The following FLII variants were observed in gnomAD, a reference collection of about 807,000 sequenced individuals.
The protein encoded by FLII is FLII actin remodeling protein, also known as protein flightless-1 homolog.
FLII carries 101 observed loss-of-function variants against 156.2 expected under a neutral mutation model. The observed-to-expected ratio is 0.65, with a 90% CI of 0.55 to 0.76. The LOEUF (loss-of-function observed/expected upper bound fraction) is 0.76, where lower values mean the gene tolerates loss of function less well. Among genes scored for constraint, FLII ranks in the 30% least tolerant of loss-of-function variants. The probability of loss-of-function intolerance (pLI) is 0.00; values close to 1 mark genes in which losing one functional copy is unlikely to be tolerated. For synonymous variants in FLII, 767 were observed against 685.8 expected, an observed-to-expected ratio of 1.12 and a Z score of -1.85; for missense variants, 1,675 against 1,682.8, an observed-to-expected ratio of 1.00 and a Z score of 0.08.
intron 11 of FLII, 58 bp from the exon 12 acceptor site, chr17:18,251,874 C>T (rs367620477): frequency 9.9e-6 from 16 of 1,609,108 alleles, no homozygotes; most frequent in African/African-American, 2.7e-5. Context: ...CTTGGGCATG[C>T]GACCAACCAG....
Position 18,258,370 on chromosome 17 carries a change from G to A in FLII, c.63+258C>T, listed in dbSNP as rs985310107. 2.1e-6 allele frequency: 2 copies of A among 958,236 alleles called. No individual in the cohort carries two copies. The highest frequency in any genetic ancestry group is 2.7e-5 in the Admixed American group (1 of 37,446). 59.4% of individuals were successfully genotyped at this position (958,236 alleles called of 1,614,324 possible). A position where few individuals can be genotyped will look rare whatever the true frequency, so the allele number is the denominator to read the frequency against. On this transcript the variant is annotated intron_variant, in intron 1 of 29. Transcript: ENST00000327031. The surrounding 1 kb of genome is among the most constrained non-coding windows in gnomAD (Gnocchi z 4.2). ...CCGAGAACACGGACGCGGGGTGGGGGCTCCCGGCCGGGCCCCCGGCGGGAC... is the reference window on the plus strand; with the variant it reads ...CCGAGAACACGGACGCGGGGTGGGGACTCCCGGCCGGGCCCCCGGCGGGAC...
intron 16 of FLII, 47 bp from the exon 17 acceptor site, chr17:18,248,930 T>A: frequency 6.6e-7 from 1 of 1,516,622 alleles, no homozygotes; most frequent in Non-Finnish European, 9.2e-7. Context: ...CATGGGGCAA[T>A]GGTCACCCCA....
At position 18,251,786 on chromosome 17, in the gene FLII, C is replaced by T. The variant is rs747947485; in HGVS notation, c.1277G>A (p.Arg426His). ...CTTGCGCCTCCGCAGTCGCATCTTG[C>T]GAGCCATAGGGTCCTTGGGCCCACT... ...AGSGPKDPMARKMRLRRRKDS... is the reference protein window; with the variant it reads ...AGSGPKDPMAHKMRLRRRKDS... Residue 426 changes from arginine (R) to histidine (H), a missense_variant, in exon 12 of 30, where the codon CGC becomes CAC. This residue lies in a region of FLII where 1,332 missense variants were observed against 1,269.3 expected (regional missense o/e 1.05). Transcript: ENST00000327031. 3.4e-5 allele frequency: 55 copies of T among 1,613,358 alleles called. No homozygotes were observed. The highest frequency in any genetic ancestry group is 4.5e-5 in the Non-Finnish European group (53 of 1,180,016).
intron 10 of FLII, 23 bp downstream of exon 10, chr17:18,252,449 C>G (rs367965569): frequency 1.2e-6 from 2 of 1,608,528 alleles, no homozygotes; most frequent in Non-Finnish European, 1.7e-6. Flanking sequence ...CTCTTGAGCC[C>G]TCTCAAACCC....
At position 18,251,378 on chromosome 17, in the gene FLII, C is replaced by T. The variant is rs1291085802; in HGVS notation, c.1483G>A (p.Val495Met). Residue 495 changes from valine (V) to methionine (M), a missense_variant, in exon 13 of 30, where the codon GTG becomes ATG. Val to Met is a conservative substitution (Grantham distance 21). Around this residue, in one of 2 missense-constraint regions of FLII, gnomAD observed 1,332 missense variants for 1,269.3 expected, o/e 1.05. Transcript: ENST00000327031. ...LDYSEFFTED[V>M]GQLPGLTIWQ... ...ATGGTCAGTCCGGGCAGCTGGCCCA[C>T]GTCCTCCGTGAAGAACTCGGAGTAG... 4 of 1,613,704 alleles carry T rather than the reference C, an allele frequency of 2.5e-6. No individual in the cohort carries two copies. Among genetic ancestry groups the T allele is most frequent in the Non-Finnish European group, 2.5e-6 (3 of 1,180,014 alleles).
chr17:18,253,382 GA>G lies in FLII; in HGVS notation c.931del (p.Ser311GlnfsTer32), dbSNP rs2048325508. 6.2e-7 allele frequency: 1 copy of G among 1,613,840 alleles called. No homozygotes were observed. The highest frequency in any genetic ancestry group is 1.1e-5 in the South Asian group (1 of 91,090). On this transcript the variant is annotated frameshift_variant, in exon 9 of 30. Transcript: ENST00000327031. LOFTEE classifies it high-confidence loss of function. ...CAGGTTGGTGAGCTTGCCAATGCCT[GA>G]GGGCAGCCCGTCAAAGTCCAGCTTG... ...SNKLDFDGLPSGIGKLTNLEE... is the reference protein window; with the variant it reads ...SNKLDFDGLPXGIGKLTNLEE...
Position 18,245,915 on chromosome 17 carries a change from T to C in FLII, c.3396+19A>G. On this transcript the variant is annotated intron_variant, in intron 26 of 29. Coordinates refer to ENST00000327031, the MANE Select transcript of FLII (RefSeq NM_002018.4). ...CCTGGCTCCTCTGTGTGTGCCCGCC[T>C]GCCCGCCCGCCTCCTGACCTGCTTG... 3 of 1,613,558 alleles carry C rather than the reference T, an allele frequency of 1.9e-6. No homozygotes were observed. Among genetic ancestry groups the C allele is most frequent in the Middle Eastern group, 1.6e-4 (1 of 6,062 alleles).
At chr17:18,257,114 C>CA (rs2142877848) in intron 1 of FLII, 95 bp from the exon 2 acceptor site, 1 of 690,962 alleles carries the variant, frequency 1.4e-6, no homozygotes, top group Admixed American at 2.6e-5. Context: ...GCCACAGAAC[C>CA]AACTCTCACC....
At chr17:18,249,106 C>T in intron 16 of FLII, 21 bp downstream of exon 16, 11 of 1,604,918 alleles carry the variant, frequency 6.9e-6, no homozygotes, top group Non-Finnish European at 4.3e-6. Context: ...AGCACCCCCA[C>T]CTCACATTGT....
Position 18,246,360 on chromosome 17 carries a change from G to C in FLII, c.3154C>G (p.Gln1052Glu). 2 of 1,613,850 alleles carry C rather than the reference G, an allele frequency of 1.2e-6. No individual in the cohort carries two copies. The highest frequency in any genetic ancestry group is 1.7e-6 in the Non-Finnish European group (2 of 1,180,000). ...RGKRKAVQGA[Q>E]QPSLYQIRTN... ...CGGATCTGGTAGAGGCTGGGCTGTT[G>C]GGCGCCCTGGACCGCCTTCCTCTTG... Residue 1052 changes from glutamine to glutamate, a missense_variant, in exon 24 of 30, where the codon CAA (glutamine) becomes GAA (glutamate). Gln to Glu is a conservative substitution (Grantham distance 29, BLOSUM62 2). This residue lies in a region of FLII where 1,332 missense variants were observed against 1,269.3 expected (regional missense o/e 1.05). Coordinates refer to ENST00000327031, the MANE Select transcript of FLII (RefSeq NM_002018.4).
At chr17:18,258,809 C>T (rs546139784), upstream of FLII, 2 of 570,864 alleles carry the variant, frequency 3.5e-6, no homozygotes, top group Admixed American at 4.8e-5. This position sits in a 1 kb window ranked among gnomAD's most constrained non-coding sequence, Gnocchi z 4.2. Context: ...GCGCCCGCCG[C>T]ATTCCGCGGG....
intron 1 of FLII, 148 bp from the exon 2 acceptor site, chr17:18,257,167 A>C: frequency 1.8e-6 from 1 of 566,440 alleles, no homozygotes; most frequent in Non-Finnish European, 3.1e-6. Context: ...TTGTGCCTCA[A>C]TTTCTTCACC....
chr17:18,249,377 C>T lies in FLII; in HGVS notation c.1808G>A (p.Gly603Asp), dbSNP rs2048188905. ...VFDNDISYIEGGTASGFYTVE... is the reference protein window; with the variant it reads ...VFDNDISYIEDGTASGFYTVE... ...AGTGTAGAAGCCACTGGCTGTTCCACCCTCAATGTAGGAGATGTCGTTGTC... is the reference window on the plus strand; with the variant it reads ...AGTGTAGAAGCCACTGGCTGTTCCATCCTCAATGTAGGAGATGTCGTTGTC... The change falls in exon 15 of 30, where the codon GGT becomes GAT. Residue 603 changes from glycine to aspartate, a missense_variant. Transcript: ENST00000327031. The T allele has an allele frequency of 6.2e-7, 1 of 1,614,178 alleles. No homozygotes were observed. The highest frequency in any genetic ancestry group is 8.5e-7 in the Non-Finnish European group (1 of 1,180,024).
At chr17:18,255,298 C>T in intron 3 of FLII, 35 bp from the exon 4 acceptor site, 2 of 1,555,548 alleles carry the variant, frequency 1.3e-6, no homozygotes, top group South Asian at 2.3e-5. Flanking sequence ...TAATTCCTGG[C>T]TTCCACTCTC....
At chr17:18,255,080 C>G (rs913689964) in intron 4 of FLII, 103 bp downstream of exon 4, 2 of 1,045,752 alleles carry the variant, frequency 1.9e-6, no homozygotes, top group Non-Finnish European at 3.0e-6. Flanking sequence ...CTCAGTTTTC[C>G]CATCTGCAAA....
rs755189931 is a variant in FLII at position 18,248,534 on chromosome 17, C to T, written c.2190+16G>A. On this transcript the variant is annotated intron_variant, in intron 18 of 29. Coordinates refer to ENST00000327031, the MANE Select transcript of FLII (RefSeq NM_002018.4). ...GAACTTGGGAGGCCAAGGTGGGCCT[C>T]AGCAGCAGGGCTCACCTTGTACAGC... 6.3e-7 allele frequency: 1 copy of T among 1,587,612 alleles called. No individual in the cohort carries two copies. Among genetic ancestry groups the T allele is most frequent in the Non-Finnish European group, 8.6e-7 (1 of 1,164,136 alleles).
At chr17:18,257,366 C>G (rs1000330961) in intron 1 of FLII, 1 of 253,862 alleles carries the variant, frequency 3.9e-6, no homozygotes, top group Non-Finnish European at 7.6e-6. Flanking sequence ...TGACTGGCTG[C>G]CTGGGGTGGG....
chr17:18,254,322 G>A (rs2048353069), intron 6 of FLII, 140 bp from the exon 7 acceptor site: 1 of 822,140 alleles, frequency 1.2e-6, no homozygotes, highest in Non-Finnish European at 1.9e-6. Context: ...AAGCCCAAGG[G>A]TGGTTGCGGG....
Position 18,251,817 on chromosome 17 carries a change from C to T in FLII, c.1247-1G>A. On this transcript the variant is annotated splice_acceptor_variant, in intron 11 of 29. Transcript: ENST00000327031. LOFTEE classifies it high-confidence loss of function. Reference sequence around the variant, plus strand: ...ATAGGGTCCTTGGGCCCACTCCCTGCTTAGGGGAGGGGCAAACAGCTGAGC... The same window carrying T: ...ATAGGGTCCTTGGGCCCACTCCCTGTTTAGGGGAGGGGCAAACAGCTGAGC... The T allele has an allele frequency of 1.2e-6, 2 of 1,613,594 alleles. No homozygotes were observed. The highest frequency in any genetic ancestry group is 1.7e-6 in the Non-Finnish European group (2 of 1,180,012).
Sources: allele counts gnomAD v4.1 joint callset, GRCh38; gene constraint gnomAD v4.1.1; regional missense constraint gnomAD v4.1.1; non-coding constraint Gnocchi (gnomAD v3.1); transcripts MANE v1.5; gene names NCBI Gene and HGNC (gene_info 2026-07-23, HGNC 2026-07-21).